Variants in ULK4 observed in about 807,000 individuals in gnomAD.
ULK4 encodes the protein inactive serine/threonine-protein kinase ULK4.
ULK4 carries 133 observed loss-of-function variants against 160.6 expected under a neutral mutation model. The observed-to-expected ratio is 0.83, with a 90% CI of 0.72 to 0.96. The LOEUF (loss-of-function observed/expected upper bound fraction) is 0.96. ULK4 is among the 40% of genes least tolerant of loss of function. ULK4 has a pLI of 0.00. For synonymous variants in ULK4, 534 were observed against 539.8 expected (o/e 0.99, Z 0.15); for missense variants, 1,580 against 1,499.5 (o/e 1.05, Z -0.89).
intron 35 of ULK4, among the ~76,000 whole-genome samples, chr3:41,393,738 A>G (rs765546072): frequency 1.3e-5 from 2 of 152,066 alleles, no homozygotes; most frequent in Admixed American, 6.6e-5. Flanking sequence ...TTGTTTTTCT[A>G]TGAATAAAAG....
At chr3:41,279,171 C>A (rs545789478) in intron 35 of ULK4, among the ~76,000 whole-genome samples, 1 of 145,912 alleles carries the variant, frequency 6.9e-6, no homozygotes, top group Non-Finnish European at 1.5e-5. Context: ...ATAGCCAATT[C>A]GATCAAGTGG....
intron 35 of ULK4, among the ~76,000 whole-genome samples, chr3:41,378,089 T>C (rs900617259): frequency 8.7e-5 from 13 of 149,964 alleles, no homozygotes; most frequent in South Asian, 4.3e-4. Flanking sequence ...ATGGATGAAA[T>C]TGGAAATCAT....
intron 34 of ULK4, among the ~76,000 whole-genome samples, chr3:41,426,718 C>A (rs553652499): frequency 6.6e-6 from 1 of 152,054 alleles, no homozygotes; most frequent in Admixed American, 6.5e-5. Context: ...TTCAAACCAA[C>A]GAGAACAAAG....
chr3:41,770,330 A>G (rs2039310105), intron 21 of ULK4, among the ~76,000 whole-genome samples: 1 of 152,136 alleles, frequency 6.6e-6, no homozygotes, highest in African/African-American at 2.4e-5. Context: ...GTCAAAACAC[A>G]AAACATGAAC....
At chr3:41,880,790 G>A (rs1373361008) in intron 17 of ULK4, among the ~76,000 whole-genome samples, 2 of 152,034 alleles carry the variant, frequency 1.3e-5, no homozygotes, top group South Asian at 2.1e-4. Flanking sequence ...AGAGCATGGT[G>A]GCATGAACCT....
At chr3:41,421,465 C>G (rs998939325) in intron 34 of ULK4, among the ~76,000 whole-genome samples, 4 of 152,178 alleles carry the variant, frequency 2.6e-5, no homozygotes, top group Non-Finnish European at 4.4e-5. Context: ...GAGACTCACT[C>G]TATCTTAAAT....
intron 34 of ULK4, among the ~76,000 whole-genome samples, chr3:41,409,364 C>G (rs2082364143): frequency 6.6e-6 from 1 of 151,886 alleles, no homozygotes; most frequent in African/African-American, 2.4e-5. Context: ...GCACAAGCAA[C>G]AAAAGAAAAA....
intron 34 of ULK4, among the ~76,000 whole-genome samples, chr3:41,425,201 C>G (rs1242386151): frequency 6.6e-6 from 1 of 151,898 alleles, no homozygotes; most frequent in Non-Finnish European, 1.5e-5. Flanking sequence ...AATTTCAGAG[C>G]TTGAAGACTA....
intron 30 of ULK4, among the ~76,000 whole-genome samples, chr3:41,652,963 G>C (rs2034799414): frequency 6.6e-6 from 1 of 152,138 alleles, no homozygotes; most frequent in South Asian, 2.1e-4. Flanking sequence ...TTTTCCTAAT[G>C]TATAAAATGA....
intron 35 of ULK4, among the ~76,000 whole-genome samples, chr3:41,270,611 G>GT (rs2079123688): frequency 6.6e-6 from 1 of 152,172 alleles, no homozygotes. Flanking sequence ...GCTGGTAATG[G>GT]TAAGAGCTAA....
At chr3:41,294,001 C>T (rs753235219) in intron 35 of ULK4, among the ~76,000 whole-genome samples, 37 of 152,192 alleles carry the variant, frequency 2.4e-4, no homozygotes, top group Non-Finnish European at 4.9e-4. Flanking sequence ...ATTCAGGGCC[C>T]AGCCCGGAGG....
At chr3:41,257,632 C>CAAAAA (rs11360973) in intron 35 of ULK4, among the ~76,000 whole-genome samples, 1 of 127,800 alleles carries the variant, frequency 7.8e-6, no homozygotes, top group Non-Finnish European at 1.7e-5. Flanking sequence ...GACTATGTCT[C>CAAAAA]AAAAAAAAAA....
chr3:41,648,177 AGCTCCCACAAAGTGCGCT>A (rs2034593565), intron 30 of ULK4, among the ~76,000 whole-genome samples: 1 of 152,046 alleles, frequency 6.6e-6, no homozygotes, highest in South Asian at 2.1e-4. Context: ...GCCCTGCTTC[AGCTCCCACAAAGTGCGCT>A]GCTCCCACTG....
At chr3:41,280,186 T>A (rs2079323979) in intron 35 of ULK4, among the ~76,000 whole-genome samples, 1 of 152,192 alleles carries the variant, frequency 6.6e-6, no homozygotes, top group African/African-American at 2.4e-5. Context: ...ACAAAGAGAC[T>A]TAGACTCCTA....
chr3:41,939,613 T>C (rs1246743816), intron 2 of ULK4, among the ~76,000 whole-genome samples: 1 of 152,168 alleles, frequency 6.6e-6, no homozygotes, highest in African/African-American at 2.4e-5. Flanking sequence ...AAAATATTCC[T>C]GGTCACTGGC....
rs559394039 is a variant in ULK4, at chr3:41,642,062, C to T, written c.3071+21545G>A. Among the ~76,000 whole-genome samples the T allele has an allele frequency of 5.3e-5, 8 of 151,558 alleles. No individual in the cohort carries two copies. In the East Asian group the frequency reaches 5.8e-4, roughly 11 times the overall value. On this transcript the variant is annotated intron_variant, in intron 30 of 36. Coordinates refer to ENST00000301831, the MANE Select transcript of ULK4 (RefSeq NM_017886.4). ...AGCTAATTTTGTATTTCAGTAGAGA[C>T]GAGGTTTCTTCATGTTGGTCAGGCT... is the stretch of plus-strand genomic sequence containing the variant.
chr3:41,680,037 A>G (rs2035870150), intron 29 of ULK4, among the ~76,000 whole-genome samples: 1 of 152,172 alleles, frequency 6.6e-6, no homozygotes, highest in Middle Eastern at 3.2e-3. Context: ...CTTTAAATAT[A>G]TTTTGTACAA....
At chr3:41,569,857 A>G (rs2087910482) in intron 31 of ULK4, among the ~76,000 whole-genome samples, 1 of 152,154 alleles carries the variant, frequency 6.6e-6, no homozygotes, top group South Asian at 2.1e-4. Flanking sequence ...GGTATACAGT[A>G]GAATGGCATT....
chr3:41,911,331 G>A lies in ULK4; in HGVS notation c.1071C>T (p.Ser357=). Reference sequence around the variant, plus strand: ...ATTTTACCTACCTGAGAAGAAACATGGATTCATTCAATTGACCCTCAAGAG... The same window carrying A: ...ATTTTACCTACCTGAGAAGAAACATAGATTCATTCAATTGACCCTCAAGAG... ...KSTLEGQLNE[S]MFLLSSRPTP... Residue 357 remains serine, a synonymous_variant, in exon 11 of 37, where the codon TCC becomes TCT. Coordinates refer to ENST00000301831, the MANE Select transcript of ULK4 (RefSeq NM_017886.4). 1 of 1,613,792 alleles carries A rather than the reference G, an allele frequency of 6.2e-7. No individual in the cohort carries two copies. Among genetic ancestry groups the A allele is most frequent in the South Asian group, 1.1e-5 (1 of 90,922 alleles).
Sources: allele counts gnomAD v4.1 joint callset (sites outside exome capture counted in the v4.1 genomes callset), GRCh38; gene constraint gnomAD v4.1.1; transcripts MANE v1.5; gene names NCBI Gene and HGNC (gene_info 2026-07-23, HGNC 2026-07-21).